The following SYNPR variants were observed in gnomAD, a reference collection of about 807,000 sequenced individuals.
SYNPR encodes synaptoporin.
In SYNPR, 23 loss-of-function variants were observed where a neutral mutation model predicts 32.9. The ratio of observed to expected loss-of-function variants is 0.70; its 90% CI spans 0.50 to 0.99. The LOEUF (loss-of-function observed/expected upper bound fraction) is 0.99. Ranked by LOEUF, SYNPR falls within the 50% of genes least tolerant of loss-of-function variation. The probability of loss-of-function intolerance (pLI) is 0.00; values close to 1 mark genes in which losing one functional copy is unlikely to be tolerated. For synonymous variants in SYNPR, 146 were observed against 135.9 expected (o/e 1.07, Z -0.52); for missense variants, 318 against 349.3 (o/e 0.91, Z 0.71).
chr3:63,606,423 T>C (rs868440349), intron 4 of SYNPR, among the ~76,000 whole-genome samples: 17 of 117,552 alleles, frequency 1.4e-4, no homozygotes, highest in African/African-American at 6.8e-4. Flanking sequence ...CTTTCTTTTT[T>C]TTTTTTTTTT....
At chr3:63,264,480 A>G (rs1001046886) in intron 2 of SYNPR, among the ~76,000 whole-genome samples, 30 of 152,212 alleles carry the variant, frequency 2.0e-4, no homozygotes, top group African/African-American at 7.0e-4. Context: ...AAAGTGCTCT[A>G]TATGAAGGGC....
At chr3:63,397,874 T>G (rs961294166) in intron 2 of SYNPR, among the ~76,000 whole-genome samples, 1 of 152,194 alleles carries the variant, frequency 6.6e-6, no homozygotes, top group Non-Finnish European at 1.5e-5. Flanking sequence ...GCCTAAGAAT[T>G]GCCTTTAAAG....
the SYNPR span, among the ~76,000 whole-genome samples, chr3:63,208,719 A>G: frequency 6.6e-6 from 1 of 152,214 alleles, no homozygotes; most frequent in African/African-American, 2.4e-5. Flanking sequence ...GGGGGATCAC[A>G]ACCCTTGTTG....
chr3:63,550,571 A>C lies in SYNPR; in HGVS notation c.210-5972A>C, dbSNP rs529658041. Among the ~76,000 whole-genome samples, 89 of 152,250 alleles carry C rather than the reference A, an allele frequency of 5.8e-4. 1 individual carries two copies. Among genetic ancestry groups the C allele is most frequent in the African/African-American group, 1.8e-3 (75 of 41,528 alleles). ...AGTCAGCAATGGGCAAAATATTGCTATTCGGCTGACTGCATATTTTTAAAA... is the reference window on the plus strand; with the variant it reads ...AGTCAGCAATGGGCAAAATATTGCTCTTCGGCTGACTGCATATTTTTAAAA... On this transcript the variant is annotated intron_variant, in intron 3 of 5. Transcript: ENST00000478300.
chr3:63,207,723 GTCTT>G, the SYNPR span, among the ~76,000 whole-genome samples: 24 of 152,010 alleles, frequency 1.6e-4, no homozygotes, highest in African/African-American at 5.3e-4. Flanking sequence ...TCATCTTCTC[GTCTT>G]TCTAACCCCA....
chr3:63,293,425 C>G (rs937122608), intron 2 of SYNPR, among the ~76,000 whole-genome samples: 1 of 152,174 alleles, frequency 6.6e-6, no homozygotes, highest in African/African-American at 2.4e-5. Flanking sequence ...ACCCAGTGTT[C>G]TTCCACTGAG....
chr3:63,278,878 C>T, intron 2 of SYNPR, 136 bp downstream of exon 2: 1 of 1,047,104 alleles, frequency 9.6e-7, no homozygotes, highest in South Asian at 1.6e-5. Context: ...TTCAATCCTG[C>T]CCCCTCCTAA....
At chr3:63,323,398 C>T (rs933279551) in intron 2 of SYNPR, among the ~76,000 whole-genome samples, 1 of 152,066 alleles carries the variant, frequency 6.6e-6, no homozygotes, top group African/African-American at 2.4e-5. Context: ...GAAATTTATT[C>T]AATTCTACAG....
At chr3:63,568,516 C>T (rs1406353314) in intron 4 of SYNPR, among the ~76,000 whole-genome samples, 1 of 152,168 alleles carries the variant, frequency 6.6e-6, no homozygotes, top group African/African-American at 2.4e-5. Context: ...ATCATGGTGC[C>T]TCACTTGATA....
chr3:63,338,722 C>T (rs552034752), intron 2 of SYNPR, among the ~76,000 whole-genome samples: 6 of 152,324 alleles, frequency 3.9e-5, no homozygotes, highest in South Asian at 2.1e-4. Context: ...TAGTGACCCA[C>T]GATCTGAACA....
At chr3:63,476,251 GAGAAGAA>G (rs1700913700) in intron 2 of SYNPR, among the ~76,000 whole-genome samples, 1 of 82,948 alleles carries the variant, frequency 1.2e-5, no homozygotes, top group Non-Finnish European at 2.2e-5. Context: ...AAAGGAGGGA[GAGAAGAA>G]GGAAGGAAGG....
chr3:63,478,536 T>C (rs146679555), intron 2 of SYNPR, among the ~76,000 whole-genome samples: 1 of 152,312 alleles, frequency 6.6e-6, no homozygotes, highest in East Asian at 1.9e-4. Flanking sequence ...GCTTGGCCCA[T>C]AGTAGGCACT....
intron 2 of SYNPR, among the ~76,000 whole-genome samples, chr3:63,306,448 GCT>G (rs1425248811): frequency 1.3e-5 from 2 of 151,784 alleles, no homozygotes; most frequent in Non-Finnish European, 2.9e-5. Flanking sequence ...TTTTCTGACA[GCT>G]CTTTCACCAG....
intron 3 of SYNPR, among the ~76,000 whole-genome samples, chr3:63,528,883 G>C (rs17398296): frequency 0.012 from 1,824 of 152,184 alleles, 16 homozygotes; most frequent in Non-Finnish European, 0.02. Context: ...ATGACTAGAG[G>C]TATCAATCAT....
At chr3:63,462,323 A>T (rs1700599017) in intron 2 of SYNPR, among the ~76,000 whole-genome samples, 1 of 152,030 alleles carries the variant, frequency 6.6e-6, no homozygotes, top group Non-Finnish European at 1.5e-5. Flanking sequence ...TTATTTGCCT[A>T]TTCATTTCTT....
chr3:63,456,404 G>T (rs1261280029), intron 2 of SYNPR, among the ~76,000 whole-genome samples: 1 of 152,118 alleles, frequency 6.6e-6, no homozygotes, highest in African/African-American at 2.4e-5. Context: ...TGGGTGAAGA[G>T]TAAATAATTT....
chr3:63,333,336 T>TAA (rs545756228), intron 2 of SYNPR, among the ~76,000 whole-genome samples: 13 of 136,710 alleles, frequency 9.5e-5, no homozygotes, highest in East Asian at 2.2e-4. Flanking sequence ...ACTTTGAATC[T>TAA]AAAAAAAAAA....
At chr3:63,395,368 C>T (rs1324556853) in intron 2 of SYNPR, among the ~76,000 whole-genome samples, 1 of 152,098 alleles carries the variant, frequency 6.6e-6, no homozygotes, top group East Asian at 1.9e-4. Context: ...AGAAGGGTTC[C>T]ACACATTTTC....
intron 3 of SYNPR, among the ~76,000 whole-genome samples, chr3:63,524,495 A>G (rs1354819719): frequency 6.6e-6 from 1 of 152,164 alleles, no homozygotes; most frequent in Non-Finnish European, 1.5e-5. Context: ...ACAATTGGCC[A>G]CACATTTGAA....
Sources: gnomAD v4.1 joint callset for allele counts (sites outside exome capture counted in the v4.1 genomes callset) on GRCh38, gnomAD v4.1.1 for gene constraint, MANE v1.5 for transcripts, NCBI Gene and HGNC (gene_info 2026-07-23, HGNC 2026-07-21) for gene names.